The following DPP10 variants were observed in gnomAD, a reference collection of about 807,000 sequenced individuals.
The protein encoded by DPP10 is inactive dipeptidyl peptidase 10.
Under a neutral mutation model 120.9 loss-of-function variants are expected in DPP10, and 33 were observed. The ratio of observed to expected loss-of-function variants is 0.27; its 90% CI spans 0.21 to 0.37. The LOEUF is 0.37. Among genes scored for constraint, DPP10 ranks in the 10% least tolerant of loss-of-function variants. The pLI is 1.00. For synonymous variants in DPP10, 337 were observed against 326.1 expected (o/e 1.03, Z -0.36); for missense variants, 816 against 942.8 (o/e 0.87, Z 1.76).
chr2:115,406,498 CTT>C (rs2068519386), intron 3 of DPP10, among the ~76,000 whole-genome samples: 1 of 152,054 alleles, frequency 6.6e-6, no homozygotes, highest in Non-Finnish European at 1.5e-5. Context: ...TGGTAACTAA[CTT>C]GTTTAAAAGA....
In DPP10 at chr2:115,244,906, C is replaced by A. The variant is rs575090762; in HGVS notation, c.61-64333C>A. 3.3e-5 allele frequency among the ~76,000 whole-genome samples: 5 copies of A among 151,010 alleles called. No homozygotes were observed. The South Asian group carries it at 1.0e-3, about 32-fold the overall frequency. On this transcript the variant is annotated intron_variant, in intron 1 of 25. Transcript: ENST00000410059. The stretch of plus-strand genomic sequence containing the variant: ...GTGTTTTCTGTTACATAGATAAGTT[C>A]TTTGGTTCTAATTTCTGAGATTTTG...
chr2:115,782,504 A>G lies in DPP10; in HGVS notation c.1531+105A>G, dbSNP rs187520550. 158 of 1,110,408 alleles carry G rather than the reference A, an allele frequency of 1.4e-4. 3 individuals carry two copies. In the African/African-American group the frequency reaches 2.1e-3, roughly 15 times the overall value. 68.8% of individuals were successfully genotyped at this position (1,110,408 alleles called of 1,614,324 possible). On this transcript the variant is annotated intron_variant, in intron 17 of 25. Transcript: ENST00000410059. The stretch of plus-strand genomic sequence containing the variant: ...TCCTCTATAAATTCTTCTTCAAAAA[A>G]TCCCCACCATGAGGAAAGCTGCGTG...
intron 1 of DPP10, among the ~76,000 whole-genome samples, chr2:114,714,587 C>G (rs1410362401): frequency 6.6e-6 from 1 of 152,088 alleles, no homozygotes; most frequent in African/African-American, 2.4e-5. Flanking sequence ...GCCCAAAAAC[C>G]TGGTCTGGCT....
intron 1 of DPP10, among the ~76,000 whole-genome samples, chr2:114,974,543 G>A (rs1047885697): frequency 1.9e-4 from 28 of 150,390 alleles, no homozygotes; most frequent in Admixed American, 1.5e-3. Flanking sequence ...TCAGCCTCCC[G>A]AGTAGCTGGG....
intron 1 of DPP10, among the ~76,000 whole-genome samples, chr2:114,625,459 G>A (rs1041602670): frequency 2.0e-5 from 3 of 151,762 alleles, no homozygotes; most frequent in African/African-American, 7.2e-5. Flanking sequence ...TTATCATTTA[G>A]GACTGACAAA....
At chr2:114,584,890 G>T (rs2105112042) in intron 1 of DPP10, among the ~76,000 whole-genome samples, 1 of 152,202 alleles carries the variant, frequency 6.6e-6, no homozygotes, top group Non-Finnish European at 1.5e-5. Flanking sequence ...ATTATGTGAA[G>T]GGGAAAGTTT....
At chr2:115,076,460 T>C (rs1707805219) in intron 1 of DPP10, among the ~76,000 whole-genome samples, 2 of 151,830 alleles carry the variant, frequency 1.3e-5, no homozygotes, top group South Asian at 4.2e-4. Context: ...AATCTATAGG[T>C]GCTGGCCCTG....
At chr2:114,981,798 G>T (rs1371657636) in intron 1 of DPP10, among the ~76,000 whole-genome samples, 2 of 150,664 alleles carry the variant, frequency 1.3e-5, no homozygotes, top group African/African-American at 4.9e-5. Flanking sequence ...TTTAGATAGG[G>T]TGTCTCACTA....
At chr2:115,206,637 T>A (rs905575036) in intron 1 of DPP10, among the ~76,000 whole-genome samples, 1 of 152,150 alleles carries the variant, frequency 6.6e-6, no homozygotes, top group South Asian at 2.1e-4. Context: ...CATGGAAAAT[T>A]TGAGCATCAT....
At chr2:115,321,293 C>A (rs2062044416) in intron 2 of DPP10, among the ~76,000 whole-genome samples, 1 of 152,016 alleles carries the variant, frequency 6.6e-6, no homozygotes, top group Non-Finnish European at 1.5e-5. Flanking sequence ...AAGAGTGAAA[C>A]CCCATCTCAA....
chr2:114,824,232 A>G (rs554212612), intron 1 of DPP10, among the ~76,000 whole-genome samples: 1 of 152,338 alleles, frequency 6.6e-6, no homozygotes, highest in Admixed American at 6.5e-5. Context: ...TGAAAGAAAT[A>G]TCGTCATTTC....
chr2:114,862,513 T>C (rs987699877), intron 1 of DPP10, among the ~76,000 whole-genome samples: 15 of 152,092 alleles, frequency 9.9e-5, no homozygotes, highest in African/African-American at 3.6e-4. Context: ...TTCTCTCCTG[T>C]GAAACCAAAC....
chr2:115,577,486 G>A (rs1049262673), intron 5 of DPP10, among the ~76,000 whole-genome samples: 2 of 152,170 alleles, frequency 1.3e-5, no homozygotes, highest in Non-Finnish European at 2.9e-5. Context: ...TTTTTAATGC[G>A]ATGAGATAAA....
chr2:115,379,226 C>T (rs1457025440), intron 3 of DPP10, among the ~76,000 whole-genome samples: 1 of 152,176 alleles, frequency 6.6e-6, no homozygotes, highest in African/African-American at 2.4e-5. Context: ...GCCACAATTT[C>T]AGATCCTGTT....
At chr2:114,969,142 C>T (rs529492101) in intron 1 of DPP10, among the ~76,000 whole-genome samples, 1 of 152,224 alleles carries the variant, frequency 6.6e-6, no homozygotes, top group African/African-American at 2.4e-5. Context: ...GGTAAAACCC[C>T]AAAAATTTTG....
At chr2:115,788,510 A>G (rs1683583541) in intron 17 of DPP10, among the ~76,000 whole-genome samples, 1 of 152,210 alleles carries the variant, frequency 6.6e-6, no homozygotes, top group Admixed American at 6.5e-5. Context: ...CTAGTGAGAG[A>G]CATGAAGAAA....
chr2:114,598,420 C>T (rs1692101134), intron 1 of DPP10, among the ~76,000 whole-genome samples: 1 of 151,816 alleles, frequency 6.6e-6, no homozygotes, highest in Non-Finnish European at 1.5e-5. Context: ...AACTATTTTG[C>T]TTGTTGTCCA....
chr2:114,547,417 G>A lies in DPP10; in HGVS notation c.60+104579G>A, dbSNP rs551210865. 9.2e-5 allele frequency among the ~76,000 whole-genome samples: 14 copies of A among 152,238 alleles called. No homozygotes were observed. In the South Asian group the frequency reaches 2.7e-3, roughly 29 times the overall value. On this transcript the variant is annotated intron_variant, in intron 1 of 25. Coordinates refer to ENST00000410059, the MANE Select transcript of DPP10 (RefSeq NM_020868.6). The stretch of plus-strand genomic sequence containing the variant: ...TAAATAGCAAACAAAAGCACACCAT[G>A]CAGGTCAAGAGGGAGACCACAGAAG...
At chr2:115,176,833 T>A (rs533617115) in intron 1 of DPP10, among the ~76,000 whole-genome samples, 2 of 152,332 alleles carry the variant, frequency 1.3e-5, no homozygotes, top group African/African-American at 4.8e-5. Context: ...CTGGATTGTC[T>A]GCCTCTGGAG....
Sources: allele counts gnomAD v4.1 joint callset (sites outside exome capture counted in the v4.1 genomes callset), GRCh38; gene constraint gnomAD v4.1.1; transcripts MANE v1.5; gene names NCBI Gene and HGNC (gene_info 2026-07-23, HGNC 2026-07-21).